SPATA13: variants seen among roughly 807,000 people sequenced by gnomAD.
The protein encoded by SPATA13 is spermatogenesis-associated protein 13.
Under a neutral mutation model 104.0 loss-of-function variants are expected in SPATA13, and 50 were observed. That is an observed-to-expected ratio of 0.48 (90% CI 0.38 to 0.61). The LOEUF is 0.61. SPATA13 is among the 20% of genes least tolerant of loss of function. The pLI, the probability that SPATA13 is intolerant of heterozygous loss-of-function variation, is 0.00. For synonymous variants in SPATA13, 606 were observed against 667.5 expected, an observed-to-expected ratio of 0.91 and a Z score of 1.42; for missense variants, 1,524 against 1,690.6, an observed-to-expected ratio of 0.90 and a Z score of 1.73.
chr13:24,278,805 A>T, intron 4 of SPATA13: 1 of 1,600,034 alleles, frequency 6.2e-7, no homozygotes, highest in Non-Finnish European at 8.5e-7. Context: ...AAAAATGTGC[A>T]TCGCTATCAT....
At chr13:24,010,563 G>T (rs551565072) in intron 2 of SPATA13, among the ~76,000 whole-genome samples, 3 of 151,414 alleles carry the variant, frequency 2.0e-5, no homozygotes, top group South Asian at 2.1e-4. Flanking sequence ...TAGTGATTTC[G>T]GGGTCCCAAG....
At chr13:24,040,968 G>A (rs532085417) in intron 3 of SPATA13, among the ~76,000 whole-genome samples, 1 of 152,292 alleles carries the variant, frequency 6.6e-6, no homozygotes, top group Admixed American at 6.5e-5. Flanking sequence ...CAGGGGGAAC[G>A]AACAATGAGG....
At chr13:24,258,822 A>C (rs556221869) in intron 4 of SPATA13, among the ~76,000 whole-genome samples, 1 of 152,366 alleles carries the variant, frequency 6.6e-6, no homozygotes, top group South Asian at 2.1e-4. Context: ...AGAAATGCTG[A>C]GTTCTAAACA....
chr13:24,030,923 A>G (rs1174907741), intron 3 of SPATA13, among the ~76,000 whole-genome samples: 3 of 152,202 alleles, frequency 2.0e-5, no homozygotes, highest in Admixed American at 6.5e-5. Context: ...AGATTTTAAA[A>G]GGTTAAATAA....
intron 2 of SPATA13, among the ~76,000 whole-genome samples, chr13:24,017,374 C>G (rs560735278): frequency 1.7e-4 from 26 of 152,228 alleles, no homozygotes; most frequent in African/African-American, 5.3e-4. Flanking sequence ...GGATTGGAAA[C>G]CCAGGGCTTA....
In SPATA13 at chr13:23,993,974, T is replaced by TC. The variant is rs1875546779; in HGVS notation, c.-147+10041_-147+10042insC. On this transcript the variant is annotated intron_variant, in intron 2 of 14. Transcript: ENST00000424834. ...GTGGTGGGTGATGGTGGTGGTGTTT[T>TC]TTTTTTTTTTTCTTTTTTTTTTTTG... Among the ~76,000 whole-genome samples the TC allele has an allele frequency of 8.8e-5, 11 of 125,408 alleles. No homozygotes were observed. The South Asian group carries it at 2.6e-3, about 30-fold the overall frequency. The allele number at this position is 125,408 out of a possible 152,430, so 82.3% of individuals were successfully genotyped here.
intron 2 of SPATA13, among the ~76,000 whole-genome samples, chr13:24,231,250 C>T (rs556853946): frequency 1.2e-4 from 18 of 152,312 alleles, no homozygotes; most frequent in African/African-American, 2.6e-4. Flanking sequence ...AGAAGCCTCG[C>T]GCCATTTGCA....
chr13:24,064,288 T>G (rs1014256206), intron 3 of SPATA13, among the ~76,000 whole-genome samples: 7 of 152,144 alleles, frequency 4.6e-5, no homozygotes, highest in African/African-American at 1.7e-4. Flanking sequence ...ATTTTATGAG[T>G]TAGTGACTAG....
intron 1 of SPATA13, among the ~76,000 whole-genome samples, chr13:24,218,041 A>G (rs1871354775): frequency 1.3e-5 from 2 of 152,234 alleles, no homozygotes; most frequent in African/African-American, 4.8e-5. Context: ...TGTGAGGATC[A>G]TGACAAATAG....
intron 3 of SPATA13, among the ~76,000 whole-genome samples, chr13:24,054,818 G>A (rs1878481683): frequency 6.6e-6 from 1 of 152,114 alleles, no homozygotes; most frequent in South Asian, 2.1e-4. Context: ...CTGGAAAAAT[G>A]AATTCAGTCA....
At chr13:24,050,488 G>A (rs1275513546) in intron 3 of SPATA13, among the ~76,000 whole-genome samples, 1 of 152,164 alleles carries the variant, frequency 6.6e-6, no homozygotes, top group African/African-American at 2.4e-5. Flanking sequence ...AGACCCAGGA[G>A]CCATAGCTTA....
intron 11 of SPATA13, among the ~76,000 whole-genome samples, chr13:24,299,078 T>G (rs1566203455): frequency 6.6e-6 from 1 of 152,188 alleles, no homozygotes; most frequent in Non-Finnish European, 1.5e-5. Context: ...CAGAATTCAT[T>G]TGAAGATGAC....
intron 2 of SPATA13, among the ~76,000 whole-genome samples, chr13:24,004,961 A>G (rs951730737): frequency 6.6e-5 from 10 of 152,254 alleles, no homozygotes; most frequent in Admixed American, 6.5e-4. Flanking sequence ...GTGAGAATAA[A>G]TCAAATGAAT....
At chr13:24,012,415 C>A (rs1876512924) in intron 2 of SPATA13, among the ~76,000 whole-genome samples, 1 of 152,228 alleles carries the variant, frequency 6.6e-6, no homozygotes, top group South Asian at 2.1e-4. Context: ...GAGAAGTACA[C>A]ACCACCCAGG....
chr13:24,213,880 C>T (rs1208123580), intron 1 of SPATA13, among the ~76,000 whole-genome samples: 1 of 152,162 alleles, frequency 6.6e-6, no homozygotes, highest in Admixed American at 6.5e-5. Flanking sequence ...CAACAGTTTA[C>T]AGAACATTTT....
intron 4 of SPATA13, among the ~76,000 whole-genome samples, chr13:24,273,979 T>G (rs572815575): frequency 1.3e-5 from 2 of 152,312 alleles, no homozygotes; most frequent in Admixed American, 1.3e-4. Flanking sequence ...CATGAGCCAC[T>G]GCGCCCGGCC....
intron 3 of SPATA13, among the ~76,000 whole-genome samples, chr13:24,105,233 C>T (rs1880399439): frequency 6.6e-6 from 1 of 152,154 alleles, no homozygotes; most frequent in South Asian, 2.1e-4. Context: ...ATGGATTTTC[C>T]CACCTCAGCC....
chr13:24,299,336 T>C (rs1184141047), intron 11 of SPATA13, among the ~76,000 whole-genome samples: 6 of 152,224 alleles, frequency 3.9e-5, no homozygotes, highest in Non-Finnish European at 8.8e-5. Context: ...TGCAAGTGCA[T>C]GACTGAGGCA....
intron 1 of SPATA13, among the ~76,000 whole-genome samples, chr13:24,213,379 G>C (rs1871126493): frequency 6.6e-6 from 1 of 152,150 alleles, no homozygotes; most frequent in South Asian, 2.1e-4. Context: ...CAATTCTTTT[G>C]CCTCAGCCTC....
Sources: gnomAD v4.1 joint callset for allele counts (sites outside exome capture counted in the v4.1 genomes callset) on GRCh38, gnomAD v4.1.1 for gene constraint, MANE v1.5 for transcripts, NCBI Gene and HGNC (gene_info 2026-07-23, HGNC 2026-07-21) for gene names.